Variants in FARP1 observed in about 807,000 individuals in gnomAD.
FARP1 encodes the protein FERM, ARHGEF and pleckstrin domain-containing protein 1.
Under a neutral mutation model 128.8 loss-of-function variants are expected in FARP1, and 52 were observed. The observed-to-expected ratio is 0.40, with a 90% CI of 0.32 to 0.51. FARP1 has a LOEUF of 0.51. FARP1 is among the 20% of genes least tolerant of loss of function. The pLI is 0.45. For synonymous variants in FARP1, 580 were observed against 551.8 expected, an observed-to-expected ratio of 1.05 and a Z score of -0.72; for missense variants, 1,333 against 1,367.9, an observed-to-expected ratio of 0.97 and a Z score of 0.40.
At chr13:98,437,014 C>G (rs557181942) in intron 19 of FARP1, among the ~76,000 whole-genome samples, 1 of 152,226 alleles carries the variant, frequency 6.6e-6, no homozygotes, top group East Asian at 1.9e-4. Context: ...GCCGGGGTGG[C>G]GGGGGACCAT....
chr13:98,298,834 T>C (rs1251977746), intron 2 of FARP1, among the ~76,000 whole-genome samples: 1 of 152,200 alleles, frequency 6.6e-6, no homozygotes, highest in African/African-American at 2.4e-5. Context: ...AGTATGTTTC[T>C]TGCTGTAAAG....
intron 4 of FARP1, among the ~76,000 whole-genome samples, chr13:98,365,774 C>T (rs1411759453): frequency 2.6e-5 from 4 of 152,134 alleles, no homozygotes; most frequent in African/African-American, 7.2e-5. Flanking sequence ...GAGGTGGAGC[C>T]ATTTATTCAT....
chr13:98,158,022 C>T lies in FARP1; in HGVS notation c.-24+14530C>T, dbSNP rs563080629. 2.0e-5 allele frequency among the ~76,000 whole-genome samples: 3 copies of T among 152,318 alleles called. No homozygotes were observed. The South Asian group carries it at 6.2e-4, about 32-fold the overall frequency. On this transcript the variant is annotated intron_variant, in intron 1 of 26. Transcript: ENST00000319562. The stretch of plus-strand genomic sequence containing the variant: ...TTGTGATTATACTGTTAGTTTGCTG[C>T]TTAAAAGATGAGCATGTTTGCTTAA...
chr13:98,172,772 A>G (rs909641584), intron 1 of FARP1, among the ~76,000 whole-genome samples: 5 of 152,160 alleles, frequency 3.3e-5, no homozygotes, highest in African/African-American at 1.2e-4. Flanking sequence ...AGGAAGAAAG[A>G]ATTCTTTCTC....
At chr13:98,199,327 C>T (rs1353731818) in intron 1 of FARP1, among the ~76,000 whole-genome samples, 1 of 152,118 alleles carries the variant, frequency 6.6e-6, no homozygotes, top group African/African-American at 2.4e-5. Flanking sequence ...AACATGTTGC[C>T]TTGAACAGTC....
intron 24 of FARP1, among the ~76,000 whole-genome samples, chr13:98,443,736 G>C (rs1352157187): frequency 6.6e-6 from 1 of 152,218 alleles, no homozygotes; most frequent in Non-Finnish European, 1.5e-5. Context: ...GTGGGCACTA[G>C]AGCCAGTGAA....
At chr13:98,221,736 G>T (rs1264301019) in intron 2 of FARP1, among the ~76,000 whole-genome samples, 1 of 152,104 alleles carries the variant, frequency 6.6e-6, no homozygotes, top group East Asian at 1.9e-4. Context: ...GGATGTTCCT[G>T]GGTGAATCAT....
intron 1 of FARP1, among the ~76,000 whole-genome samples, chr13:98,179,307 G>T (rs1878336089): frequency 6.6e-6 from 1 of 152,144 alleles, no homozygotes; most frequent in South Asian, 2.1e-4. Context: ...CAGTATGGGG[G>T]AAACTGCCCC....
At chr13:98,209,472 ATTTTT>A (rs534634730) in intron 1 of FARP1, among the ~76,000 whole-genome samples, 18 of 106,438 alleles carry the variant, frequency 1.7e-4, no homozygotes, top group Admixed American at 3.2e-4. Flanking sequence ...GGGAGGAAAG[ATTTTT>A]TTTTTTTTTT....
intron 1 of FARP1, among the ~76,000 whole-genome samples, chr13:98,148,374 G>A (rs185086945): frequency 1.3e-3 from 194 of 152,224 alleles, no homozygotes; most frequent in Admixed American, 3.7e-3. Flanking sequence ...GTGAAACTCC[G>A]TTTCAAGAAA....
chr13:98,312,241 T>C (rs1481471054), intron 2 of FARP1, among the ~76,000 whole-genome samples: 17 of 144,642 alleles, frequency 1.2e-4, no homozygotes, highest in African/African-American at 2.0e-4. Flanking sequence ...CCCGGGTTCA[T>C]GCCATTCTCC....
At chr13:98,240,419 A>T (rs1170580517) in intron 2 of FARP1, among the ~76,000 whole-genome samples, 1 of 151,942 alleles carries the variant, frequency 6.6e-6, no homozygotes, top group Non-Finnish European at 1.5e-5. Context: ...GTTTATTGAA[A>T]CCTGACTTTG....
At chr13:98,338,656 T>C (rs1198562535) in intron 2 of FARP1, 1 of 152,348 alleles carries the variant, frequency 6.6e-6, no homozygotes, top group East Asian at 1.9e-4. Context: ...TCAGTTATTT[T>C]CGTTGTATAC....
At chr13:98,157,644 C>T (rs1477099944) in intron 1 of FARP1, among the ~76,000 whole-genome samples, 1 of 152,198 alleles carries the variant, frequency 6.6e-6, no homozygotes, top group Non-Finnish European at 1.5e-5. Context: ...TTTTTATCCT[C>T]ATTTTACTTA....
intron 6 of FARP1, chr13:98,383,708 A>G (rs987241011): frequency 3.9e-5 from 6 of 152,212 alleles, no homozygotes; most frequent in Non-Finnish European, 8.8e-5. Flanking sequence ...AGGTGTAACA[A>G]TTGGTGTACA....
chr13:98,429,165 G>A (rs1783159528), intron 17 of FARP1, among the ~76,000 whole-genome samples: 1 of 152,196 alleles, frequency 6.6e-6, no homozygotes, highest in South Asian at 2.1e-4. Flanking sequence ...GTGTGATAAG[G>A]GCGGTTGTGG....
At chr13:98,169,379 T>C (rs915417811) in intron 1 of FARP1, among the ~76,000 whole-genome samples, 1 of 152,222 alleles carries the variant, frequency 6.6e-6, no homozygotes, top group African/African-American at 2.4e-5. Flanking sequence ...CATACACCCG[T>C]AGCTTTCTCA....
At chr13:98,233,237 T>C (rs1882231216) in intron 2 of FARP1, among the ~76,000 whole-genome samples, 1 of 152,212 alleles carries the variant, frequency 6.6e-6, no homozygotes, top group Admixed American at 6.5e-5. Flanking sequence ...CAGAACTAAT[T>C]AAGAAAGAGG....
In FARP1 at chr13:98,454,385, T is replaced by G. The variant is rs1480747144; in HGVS notation, c.*6068T>G. 1 of 152,220 alleles carries G rather than the reference T, an allele frequency of 6.6e-6. No homozygotes were observed. Among genetic ancestry groups the G allele is most frequent in the Non-Finnish European group, 1.5e-5 (1 of 68,050 alleles). The allele number at this position is 152,220 out of a possible 1,614,324, so 9.4% of individuals were successfully genotyped here. On this transcript the variant is annotated 3_prime_UTR_variant, in exon 27 of 27. Transcript: ENST00000319562. ...AAATCACAGGTCCAGGAGAGATGGC[T>G]GAGGATGTCTTTGACCAGGCTTATC...
Sources: gnomAD v4.1 joint callset for allele counts (sites outside exome capture counted in the v4.1 genomes callset) on GRCh38, gnomAD v4.1.1 for gene constraint, MANE v1.5 for transcripts, NCBI Gene and HGNC (gene_info 2026-07-23, HGNC 2026-07-21) for gene names.